MBTD1: variants seen among roughly 807,000 people sequenced by gnomAD.
MBTD1 encodes mbt domain containing 1, also known as MBT domain-containing protein 1.
Under a neutral mutation model 87.8 loss-of-function variants are expected in MBTD1, and 24 were observed. That is an observed-to-expected ratio of 0.27 (90% confidence interval 0.20 to 0.38). The LOEUF (loss-of-function observed/expected upper bound fraction) is 0.38. MBTD1 is among the 10% of genes least tolerant of loss of function. The probability of loss-of-function intolerance (pLI) is 1.00; values close to 1 mark genes in which losing one functional copy is unlikely to be tolerated. For synonymous variants in MBTD1, 237 were observed against 248.6 expected (o/e 0.95, Z 0.44); for missense variants, 436 against 760.2 (o/e 0.57, Z 5.02).
intron 12 of MBTD1, among the ~76,000 whole-genome samples, chr17:51,197,115 T>G (rs1188365393): frequency 1.1e-5 from 1 of 92,156 alleles, no homozygotes; most frequent in Admixed American, 1.2e-4. Context: ...TATATATATA[T>G]ATGGAGGACG....
Position 51,178,598 on chromosome 17 carries a change from A to C in MBTD1, c.*1978T>G, listed in dbSNP as rs2050176362. On this transcript the variant is annotated 3_prime_UTR_variant, in exon 17 of 17. Transcript: ENST00000586178. ...TCCTGGGTTTAATTCAGTGAGCCTG[A>C]GAATAAAGACTGCTCTAACCCTTGC... 1 of 152,202 alleles carries C rather than the reference A, an allele frequency of 6.6e-6. No homozygotes were observed. The highest frequency in any genetic ancestry group is 2.4e-5 in the African/African-American group (1 of 41,440). 9.4% of individuals were successfully genotyped at this position (152,202 alleles called of 1,614,324 possible).
rs2050205003 is a variant in MBTD1, at chr17:51,179,486, A to ATT, written c.*1089_*1090insAA. 4 of 15,016 alleles carry ATT rather than the reference A, an allele frequency of 2.7e-4. No homozygotes were observed. Among genetic ancestry groups the ATT allele is most frequent in the Non-Finnish European group, 1.4e-4 (1 of 7,318 alleles). The allele number at this position is 15,016 out of a possible 1,614,324, so 0.9% of individuals were successfully genotyped here. A position where few individuals can be genotyped will look rare whatever the true frequency, so the allele number is the denominator to read the frequency against. On this transcript the variant is annotated 3_prime_UTR_variant, in exon 17 of 17. Transcript: ENST00000586178. Reference sequence around the variant, plus strand: ...CCTGAATACAATTAAAGACAATTTTATATATATATATATATATATATATAT... The same window carrying ATT: ...CCTGAATACAATTAAAGACAATTTTATTTATATATATATATATATATATATAT...
At position 51,193,025 on chromosome 17, in the gene MBTD1, G is replaced by C; in HGVS notation, c.1456-9C>G. 2 of 1,582,536 alleles carry C rather than the reference G, an allele frequency of 1.3e-6. No individual in the cohort carries two copies. The highest frequency in any genetic ancestry group is 1.7e-6 in the Non-Finnish European group (2 of 1,153,130). ...CCGTGATTTGGAACATCCTGACACAGAGAAGAAAACATTAATATTGGTATG... is the reference window on the plus strand; with the variant it reads ...CCGTGATTTGGAACATCCTGACACACAGAAGAAAACATTAATATTGGTATG... On this transcript the variant is annotated splice_polypyrimidine_tract_variant and intron_variant, in intron 14 of 16. Coordinates refer to ENST00000586178, the MANE Select transcript of MBTD1 (RefSeq NM_017643.3).
chr17:51,258,857 A>T (rs910198140), intron 2 of MBTD1, among the ~76,000 whole-genome samples: 1 of 152,136 alleles, frequency 6.6e-6, no homozygotes, highest in Non-Finnish European at 1.5e-5. Flanking sequence ...TGACCCAGCA[A>T]AGTTTTCGGC....
At chr17:51,247,692 C>T (rs1208494840) in intron 2 of MBTD1, among the ~76,000 whole-genome samples, 3 of 152,196 alleles carry the variant, frequency 2.0e-5, no homozygotes, top group Non-Finnish European at 2.9e-5. Flanking sequence ...TCAAGTGATC[C>T]TCCTACCTTG....
At chr17:51,200,068 G>A (rs941576363) in intron 12 of MBTD1, among the ~76,000 whole-genome samples, 13 of 152,058 alleles carry the variant, frequency 8.5e-5, no homozygotes, top group African/African-American at 2.9e-4. Context: ...CTCGTGATCC[G>A]CTTGCCTTGG....
At chr17:51,201,562 A>C (rs1309805361) in intron 12 of MBTD1, 30 bp downstream of exon 12, 1 of 1,405,886 alleles carries the variant, frequency 7.1e-7, no homozygotes. Context: ...CTATAATTGC[A>C]TTTCTATATT....
intron 2 of MBTD1, among the ~76,000 whole-genome samples, chr17:51,232,792 C>T (rs912323094): frequency 6.6e-6 from 1 of 151,988 alleles, no homozygotes; most frequent in Non-Finnish European, 1.5e-5. Flanking sequence ...AATCCCAGAA[C>T]TGTGGGAGAC....
intron 13 of MBTD1, among the ~76,000 whole-genome samples, chr17:51,194,253 G>A (rs12453513): frequency 1.3e-5 from 2 of 151,858 alleles, no homozygotes; most frequent in Non-Finnish European, 2.9e-5. Context: ...GTTAAACCAC[G>A]AGTAAAACAG....
chr17:51,220,405 C>T lies in MBTD1; in HGVS notation c.213G>A (p.Lys71=), dbSNP rs1465425197. 1 of 1,550,106 alleles carries T rather than the reference C, an allele frequency of 6.5e-7. No individual in the cohort carries two copies. Among genetic ancestry groups the T allele is most frequent in the Non-Finnish European group, 8.7e-7 (1 of 1,145,822 alleles). ...GVRDAFYSKT[K]RFCSVSCSRS... The stretch of plus-strand genomic sequence containing the variant: ...TTGAACATGAAACGCTACAGAAACG[C>T]TTTGTTTTAGAGTAAAAAGCATCTC... Residue 71 remains lysine (K), a synonymous_variant, in exon 4 of 17, where the codon AAG becomes AAA. Transcript: ENST00000586178.
At chr17:51,249,391 C>A (rs1024664874) in intron 2 of MBTD1, among the ~76,000 whole-genome samples, 1 of 152,118 alleles carries the variant, frequency 6.6e-6, no homozygotes, top group Non-Finnish European at 1.5e-5. Context: ...TTTTTTATTT[C>A]TTCTTATACT....
intron 2 of MBTD1, among the ~76,000 whole-genome samples, chr17:51,256,007 C>T (rs912129295): frequency 2.6e-5 from 4 of 152,116 alleles, no homozygotes; most frequent in East Asian, 1.9e-4. Context: ...AGACTGCAAA[C>T]GGTGGCCAAA....
intron 5 of MBTD1, 112 bp downstream of exon 5, chr17:51,218,818 G>T: frequency 1.5e-6 from 1 of 673,718 alleles, no homozygotes; most frequent in Non-Finnish European, 2.6e-6. Flanking sequence ...GTAATGTGCT[G>T]ACAGGACATA....
rs1459575934 is a variant in MBTD1, at chr17:51,202,862, C to T, written c.902G>A (p.Arg301Gln). The T allele has an allele frequency of 3.7e-6, 6 of 1,614,062 alleles. No individual in the cohort carries two copies. The highest frequency in any genetic ancestry group is 1.7e-5 in the Admixed American group (1 of 60,012). The stretch of plus-strand genomic sequence containing the variant: ...ACTTTCCACCACTGCTACTCGTGTT[C>T]GACACAAATGCCTCTTGTCAACCAC... ...VEVVDKRHLC[R>Q]TRVAVVESVI... is the part of the protein sequence containing the mutation. The change falls in exon 10 of 17, where the codon CGA becomes CAA. Residue 301 changes from arginine (R) to glutamine (Q), a missense_variant. By Grantham distance (43) the Arg-to-Gln change is conservative. Transcript: ENST00000586178.
At chr17:51,226,576 A>G (rs534155955) in intron 2 of MBTD1, among the ~76,000 whole-genome samples, 1 of 152,098 alleles carries the variant, frequency 6.6e-6, no homozygotes, top group Non-Finnish European at 1.5e-5. Context: ...TTTGCCTTTC[A>G]TCTCTAAAAC....
At position 51,225,932 on chromosome 17, in the gene MBTD1, C is replaced by G. The variant is rs1185927288; in HGVS notation, c.-48-723G>C. Among the ~76,000 whole-genome samples the G allele has an allele frequency of 2.0e-5, 3 of 151,716 alleles. No homozygotes were observed. In the East Asian group the frequency reaches 6.0e-4, roughly 30 times the overall value. On this transcript the variant is annotated intron_variant, in intron 2 of 16. Transcript: ENST00000586178. ...TAGCTGTGATTACAGGTGCATGCCA[C>G]CACACCCAGCTAATTTTCGTATTTT...
In MBTD1 at chr17:51,179,494, A is replaced by ATATATATATATATATATATT. The variant is rs2050212305; in HGVS notation, c.*1081_*1082insAATATATATATATATATATA. The ATATATATATATATATATATT allele has an allele frequency of 2.4e-5, 1 of 41,462 alleles. No individual in the cohort carries two copies. The highest frequency in any genetic ancestry group is 4.8e-5 in the Non-Finnish European group (1 of 20,710). 2.6% of individuals were successfully genotyped at this position (41,462 alleles called of 1,614,324 possible). On this transcript the variant is annotated 3_prime_UTR_variant, in exon 17 of 17. Transcript: ENST00000586178. ...CAATTAAAGACAATTTTATATATAT[A>ATATATATATATATATATATT]TATATATATATATATATATATATAT...
At chr17:51,193,769 C>A (rs999791857) in intron 13 of MBTD1, among the ~76,000 whole-genome samples, 1 of 152,184 alleles carries the variant, frequency 6.6e-6, no homozygotes, top group African/African-American at 2.4e-5. Flanking sequence ...CAGGCACATG[C>A]CACTGTGACA....
At position 51,245,954 on chromosome 17, in the gene MBTD1, A is replaced by G. The variant is rs532476341; in HGVS notation, c.-49+13189T>C. 9.8e-5 allele frequency among the ~76,000 whole-genome samples: 15 copies of G among 152,300 alleles called. No individual in the cohort carries two copies. In the South Asian group the frequency reaches 2.7e-3, roughly 27 times the overall value. On this transcript the variant is annotated intron_variant, in intron 2 of 16. Coordinates refer to ENST00000586178, the MANE Select transcript of MBTD1 (RefSeq NM_017643.3). ...TAACTTTGGAAAAAGTGACATTTTG[A>G]TATGTCTCAAGGACAGTGGATGTCT... is the stretch of plus-strand genomic sequence containing the variant.
Sources: gnomAD v4.1 joint callset for allele counts (sites outside exome capture counted in the v4.1 genomes callset) on GRCh38, gnomAD v4.1.1 for gene constraint, MANE v1.5 for transcripts, NCBI Gene and HGNC (gene_info 2026-07-23, HGNC 2026-07-21) for gene names.